Variants in SLC8A1 observed in about 807,000 individuals in gnomAD.
SLC8A1 encodes the protein solute carrier family 8 member A1.
SLC8A1 carries 18 observed loss-of-function variants against 68.3 expected under a neutral mutation model. The observed-to-expected ratio is 0.26, with a 90% CI of 0.18 to 0.39. The LOEUF is 0.39. Ranked by LOEUF, SLC8A1 falls within the 10% of genes least tolerant of loss-of-function variation. SLC8A1 has a pLI of 1.00. For synonymous variants in SLC8A1, 475 were observed against 415.5 expected (o/e 1.14, Z -1.74); for missense variants, 985 against 1,156.7 (o/e 0.85, Z 2.15).
intron 2 of SLC8A1, among the ~76,000 whole-genome samples, chr2:40,362,651 ATGT>A (rs2149483589): frequency 6.6e-6 from 1 of 152,306 alleles, no homozygotes; most frequent in East Asian, 1.9e-4. Flanking sequence ...ATATCACAAA[ATGT>A]TGTTGCCTTG....
At chr2:40,102,206 T>C (rs2033935437) in exon 8 of SLC8A1, 1 of 152,146 alleles carries the variant, frequency 6.6e-6, no homozygotes, top group African/African-American at 2.4e-5. Flanking sequence ...TTGTAGAAAA[T>C]TCTATGGCCT....
chr2:40,184,150 C>T (rs1200056384), intron 2 of SLC8A1, among the ~76,000 whole-genome samples: 7 of 152,104 alleles, frequency 4.6e-5, no homozygotes, highest in African/African-American at 1.7e-4. Flanking sequence ...CACTCCAGAA[C>T]TGCGAGACAG....
intron 2 of SLC8A1, among the ~76,000 whole-genome samples, chr2:40,204,925 G>A (rs1182026803): frequency 6.6e-6 from 1 of 151,894 alleles, no homozygotes; most frequent in African/African-American, 2.4e-5. Context: ...CTACCATATT[G>A]AATGGTACAG....
chr2:40,347,325 C>G (rs528272740), intron 2 of SLC8A1, among the ~76,000 whole-genome samples: 2 of 152,314 alleles, frequency 1.3e-5, no homozygotes, highest in East Asian at 3.9e-4. Context: ...AACTATCAAC[C>G]TAACCATGTA....
At chr2:40,311,517 A>C (rs2073669753) in intron 2 of SLC8A1, among the ~76,000 whole-genome samples, 1 of 152,138 alleles carries the variant, frequency 6.6e-6, no homozygotes, top group Non-Finnish European at 1.5e-5. Context: ...TAACATGTTG[A>C]GTGAAATAAA....
intron 2 of SLC8A1, among the ~76,000 whole-genome samples, chr2:40,297,271 G>A (rs1250648464): frequency 6.6e-6 from 1 of 152,048 alleles, no homozygotes; most frequent in African/African-American, 2.4e-5. Context: ...TAAACTATTG[G>A]GAGAGTCTCA....
exon 8 of SLC8A1, chr2:40,097,949 A>G (rs1332104153): frequency 6.6e-6 from 1 of 151,770 alleles, no homozygotes; most frequent in Non-Finnish European, 1.5e-5. Flanking sequence ...GTGCTATACA[A>G]ACATCACAAA....
At chr2:40,098,331 G>A (rs1274576811) in exon 8 of SLC8A1, 2 of 151,966 alleles carry the variant, frequency 1.3e-5, no homozygotes, top group Non-Finnish European at 2.9e-5. Flanking sequence ...AATTATAGGA[G>A]TCAAAATTTT....
intron 2 of SLC8A1, among the ~76,000 whole-genome samples, chr2:40,377,458 A>G (rs1680256246): frequency 6.6e-6 from 1 of 152,070 alleles, no homozygotes; most frequent in Middle Eastern, 3.2e-3. Flanking sequence ...TTAAGCCACT[A>G]TATTTCTGGT....
chr2:40,486,672 G>A (rs1162436196), intron 1 of SLC8A1, among the ~76,000 whole-genome samples: 1 of 151,476 alleles, frequency 6.6e-6, no homozygotes, highest in Non-Finnish European at 1.5e-5. Flanking sequence ...ACCACACCAT[G>A]TTAATGAGGT....
intron 1 of SLC8A1, 113 bp from the exon 2 acceptor site, chr2:40,430,417 T>C (rs1037170152): frequency 1.7e-6 from 2 of 1,184,484 alleles, no homozygotes; most frequent in African/African-American, 3.1e-5. Flanking sequence ...TTGTTTATAT[T>C]TGACCATCAC....
chr2:40,232,396 T>TA (rs904553972), intron 2 of SLC8A1, among the ~76,000 whole-genome samples: 34 of 119,410 alleles, frequency 2.8e-4, no homozygotes, highest in Non-Finnish European at 5.8e-4. Context: ...TGCAAGTTAT[T>TA]TTTTTTTTGT....
chr2:40,278,126 G>A (rs2067009681), intron 2 of SLC8A1, among the ~76,000 whole-genome samples: 2 of 151,778 alleles, frequency 1.3e-5, no homozygotes, highest in Non-Finnish European at 2.9e-5. Flanking sequence ...ATATACAATG[G>A]TTATTTTTGT....
At chr2:40,203,451 C>T (rs1191427194) in intron 2 of SLC8A1, among the ~76,000 whole-genome samples, 2 of 151,942 alleles carry the variant, frequency 1.3e-5, no homozygotes, top group Non-Finnish European at 2.9e-5. Context: ...AAAACCTAAA[C>T]AGAAATGTTT....
intron 2 of SLC8A1, among the ~76,000 whole-genome samples, chr2:40,267,884 T>C (rs1275662752): frequency 1.3e-5 from 2 of 152,124 alleles, no homozygotes; most frequent in East Asian, 1.9e-4. Flanking sequence ...CTCCCACATA[T>C]TTCCTTGAGT....
chr2:40,123,035 C>G (rs2037268252), intron 7 of SLC8A1: 3 of 152,202 alleles, frequency 2.0e-5, no homozygotes, highest in Admixed American at 6.5e-5. Flanking sequence ...CAGCGCAGCA[C>G]TATTTGATCT....
chr2:40,322,195 C>A (rs555342274), intron 2 of SLC8A1, among the ~76,000 whole-genome samples: 2 of 152,128 alleles, frequency 1.3e-5, no homozygotes, highest in Admixed American at 6.6e-5. Flanking sequence ...TAGTAAGAAA[C>A]GAGTTTTCCA....
intron 2 of SLC8A1, among the ~76,000 whole-genome samples, chr2:40,412,093 G>A (rs948261151): frequency 6.6e-6 from 1 of 151,972 alleles, no homozygotes; most frequent in Admixed American, 6.6e-5. Flanking sequence ...ATTTGACCTG[G>A]GTCTTGAACC....
chr2:40,149,614 A>G (rs1234294075), intron 6 of SLC8A1, among the ~76,000 whole-genome samples: 2 of 152,180 alleles, frequency 1.3e-5, no homozygotes, highest in Admixed American at 1.3e-4. Flanking sequence ...CAAGTGTGAC[A>G]AGATGGAAAG....
Sources: allele counts gnomAD v4.1 joint callset (sites outside exome capture counted in the v4.1 genomes callset), GRCh38; gene constraint gnomAD v4.1.1; transcripts MANE v1.5; gene names NCBI Gene and HGNC (gene_info 2026-07-23, HGNC 2026-07-21).